FUCA1: variants seen among roughly 807,000 people sequenced by gnomAD.
FUCA1 encodes the protein alpha-L-fucosidase 1.
Under a neutral mutation model 56.8 loss-of-function variants are expected in FUCA1, and 52 were observed. The observed-to-expected ratio is 0.92, with a 90% CI of 0.73 to 1.15. FUCA1 has a LOEUF of 1.15. FUCA1 is among the 50% of genes most tolerant of loss of function. The pLI is 0.00. For missense variants in FUCA1, 568 were observed against 592.6 expected (o/e 0.96, Z 0.43); for synonymous variants, 230 against 226.6 (o/e 1.02, Z -0.14).
intron 5 of FUCA1, among the ~76,000 whole-genome samples, chr1:23,851,181 TGAA>T (rs1242196836): frequency 2.0e-5 from 3 of 152,046 alleles, no homozygotes; most frequent in African/African-American, 7.2e-5. Context: ...CTGGCCAACA[TGAA>T]GAAACCCTGT....
chr1:23,850,516 C>T (rs1368825064), intron 5 of FUCA1, among the ~76,000 whole-genome samples: 1 of 151,918 alleles, frequency 6.6e-6, no homozygotes, highest in Non-Finnish European at 1.5e-5. Context: ...CGGAGTCTAG[C>T]TCTGTCACCC....
intron 1 of FUCA1, among the ~76,000 whole-genome samples, chr1:23,866,155 T>C (rs1639619771): frequency 6.6e-6 from 1 of 152,050 alleles, no homozygotes; most frequent in Non-Finnish European, 1.5e-5. Flanking sequence ...CAACTAAAAA[T>C]ACAAAAATTA....
chr1:23,861,801 T>G (rs1310695725), intron 3 of FUCA1, among the ~76,000 whole-genome samples: 2 of 152,198 alleles, frequency 1.3e-5, no homozygotes, highest in South Asian at 2.1e-4. Flanking sequence ...GAGGTGGAAC[T>G]CAAATACAAA....
chr1:23,855,231 T>C (rs1639368012), intron 4 of FUCA1, among the ~76,000 whole-genome samples: 1 of 152,086 alleles, frequency 6.6e-6, no homozygotes, highest in South Asian at 2.1e-4. Context: ...GAGTGGCCAA[T>C]ACAAGATAAA....
chr1:23,854,436 C>A lies in FUCA1; in HGVS notation c.893G>T (p.Ser298Ile). 6.2e-7 allele frequency: 1 copy of A among 1,614,114 alleles called. No individual in the cohort carries two copies. The highest frequency in any genetic ancestry group is 8.5e-7 in the Non-Finnish European group (1 of 1,180,008). ...LPDHKWEMCT[S>I]IDKFSWGYRR... The stretch of plus-strand genomic sequence containing the variant: ...ATAGCCCCAGGAAAACTTGTCAATG[C>A]TGGTGCACATCTCCCACTTGTGATC... Residue 298 changes from serine to isoleucine, a missense_variant, in exon 5 of 8, where the codon AGC becomes ATC. Physicochemically the swap from Ser to Ile is moderately radical, Grantham distance 142. Coordinates refer to ENST00000374479, the MANE Select transcript of FUCA1 (RefSeq NM_000147.5).
Position 23,845,442 on chromosome 1 carries a change from A to G in FUCA1, c.*273T>C. 2 of 489,978 alleles carry G rather than the reference A, an allele frequency of 4.1e-6. No individual in the cohort carries two copies. The highest frequency in any genetic ancestry group is 1.9e-5 in the African/African-American group (1 of 51,506). 30.4% of individuals were successfully genotyped at this position (489,978 alleles called of 1,614,324 possible). The stretch of plus-strand genomic sequence containing the variant: ...GAACAGAGGGAAGATTCCATTGTAG[A>G]TAATTTCCAAATATTACAATTGATG... On this transcript the variant is annotated 3_prime_UTR_variant, in exon 8 of 8. Transcript: ENST00000374479.
chr1:23,863,191 T>C lies in FUCA1; in HGVS notation c.605A>G (p.Lys202Arg), dbSNP rs745729464. The C allele has an allele frequency of 6.2e-7, 1 of 1,614,048 alleles. No individual in the cohort carries two copies. The highest frequency in any genetic ancestry group is 8.5e-7 in the Non-Finnish European group (1 of 1,180,026). The change falls in exon 3 of 8, where the codon AAA becomes AGA. Residue 202 changes from lysine (K) to arginine (R), a missense_variant. Lys to Arg is a conservative substitution (Grantham distance 26, BLOSUM62 2). Coordinates refer to ENST00000374479, the MANE Select transcript of FUCA1 (RefSeq NM_000147.5). ...TTTTGCACTGACAAAATGCTGTGTTTTGAAGCCATTTTTCTTATCAAGTAG... is the reference window on the plus strand; with the variant it reads ...TTTTGCACTGACAAAATGCTGTGTTCTGAAGCCATTTTTCTTATCAAGTAG... Reference protein sequence around the residue: ...LYLLDKKNGFKTQHFVSAKTM... With the variant: ...LYLLDKKNGFRTQHFVSAKTM...
rs747492551 is a variant in FUCA1 at position 23,845,787 on chromosome 1, A to G, written c.1329T>C (p.Ser443=). Residue 443 remains serine, a synonymous_variant, in exon 8 of 8, where the codon TCT becomes TCC. Transcript: ENST00000374479. ...STDPDKGLFI[S]LPQLPPSAVP... is the part of the protein sequence containing the mutation. ...CAGCAGAGGGTGGCAACTGGGGTAG[A>G]GAGATGAAGAGACCTTTATCTGGAT... The G allele has an allele frequency of 2.5e-6, 4 of 1,614,148 alleles. No homozygotes were observed. The highest frequency in any genetic ancestry group is 3.4e-6 in the Non-Finnish European group (4 of 1,179,960).
chr1:23,867,163 C>T lies in FUCA1; in HGVS notation c.389+735G>A, dbSNP rs923469335. On this transcript the variant is annotated intron_variant, in intron 1 of 7. Coordinates refer to ENST00000374479, the MANE Select transcript of FUCA1 (RefSeq NM_000147.5). The surrounding 1 kb of genome is among the most constrained non-coding windows in gnomAD (Gnocchi z 4.9). The stretch of plus-strand genomic sequence containing the variant: ...GAAGCTGATAGTAACCACTCCCTGA[C>T]TTAACATCTGTCAATACAGGGCTCT... Among the ~76,000 whole-genome samples the T allele has an allele frequency of 2.6e-5, 4 of 152,146 alleles. No homozygotes were observed. Among genetic ancestry groups the T allele is most frequent in the Non-Finnish European group, 5.9e-5 (4 of 68,024 alleles).
At chr1:23,848,565 C>A in intron 6 of FUCA1, 84 bp downstream of exon 6, 1 of 1,342,706 alleles carries the variant, frequency 7.4e-7, no homozygotes, top group South Asian at 1.2e-5. Context: ...TCCAGCCTGG[C>A]TTGTGACATT....
chr1:23,861,909 T>C (rs1557514070), intron 3 of FUCA1, among the ~76,000 whole-genome samples: 1 of 152,214 alleles, frequency 6.6e-6, no homozygotes, highest in Non-Finnish European at 1.5e-5. Flanking sequence ...ATTTACTGTG[T>C]ATAAGAAATT....
chr1:23,860,009 A>G (rs2148446095), intron 3 of FUCA1, 106 bp from the exon 4 acceptor site: 1 of 734,402 alleles, frequency 1.4e-6, no homozygotes, highest in East Asian at 2.6e-5. Flanking sequence ...ATGTTGCCTA[A>G]GCTTGAGTCC....
Position 23,867,997 on chromosome 1 carries a change from T to A in FUCA1, c.290A>T (p.Tyr97Phe). ...PQYQRFMRDN[Y>F]PPGFSYADFG... The stretch of plus-strand genomic sequence containing the variant: ...GTCGGCGTAGCTGAAGCCGGGCGGG[T>A]AGTTGTCGCGCATGAAGCGCTGGTA... The change falls in exon 1 of 8, where the codon TAC becomes TTC. Residue 97 changes from tyrosine (Y) to phenylalanine (F), a missense_variant. By Grantham distance (22) the Tyr-to-Phe change is conservative (BLOSUM62 3). Transcript: ENST00000374479. The surrounding 1 kb of genome is among the most constrained non-coding windows in gnomAD (Gnocchi z 4.9). The A allele has an allele frequency of 6.2e-7, 1 of 1,603,498 alleles. No homozygotes were observed. Among genetic ancestry groups the A allele is most frequent in the Non-Finnish European group, 8.5e-7 (1 of 1,176,332 alleles).
At position 23,867,863 on chromosome 1, in the gene FUCA1, CGGGAAGGG is replaced by C; in HGVS notation, c.389+27_389+34del. 1 of 1,529,260 alleles carries C rather than the reference CGGGAAGGG, an allele frequency of 6.5e-7. No homozygotes were observed. The highest frequency in any genetic ancestry group is 8.8e-7 in the Non-Finnish European group (1 of 1,140,638). The allele number at this position is 1,529,260 out of a possible 1,614,324, so 94.7% of individuals were successfully genotyped here. On this transcript the variant is annotated intron_variant, in intron 1 of 7. Transcript: ENST00000374479. This position sits in a 1 kb window ranked among gnomAD's most constrained non-coding sequence, Gnocchi z 4.9. ...CCCACCTCCTGTTTGCCGCCCGAGC[CGGGAAGGG>C]GCGCCGCTCCCCGGGACCACACTCA...
chr1:23,859,771 T>G (rs1328729656), intron 4 of FUCA1, 27 bp downstream of exon 4: 1 of 1,423,312 alleles, frequency 7.0e-7, no homozygotes, highest in Non-Finnish European at 9.9e-7. Flanking sequence ...TCATAGGAGA[T>G]AAATAAGAAG....
At chr1:23,861,322 C>CAAA (rs34240712) in intron 3 of FUCA1, among the ~76,000 whole-genome samples, 267 of 60,224 alleles carry the variant, frequency 4.4e-3, no homozygotes, top group Non-Finnish European at 5.2e-3. Flanking sequence ...GACTCCGTCT[C>CAAA]AAAAAAAAAA....
intron 5 of FUCA1, among the ~76,000 whole-genome samples, chr1:23,852,987 T>C (rs1370246263): frequency 6.9e-6 from 1 of 144,380 alleles, no homozygotes; most frequent in Non-Finnish European, 1.5e-5. Flanking sequence ...GTCTGGAAAA[T>C]GAGGAGCGTC....
At chr1:23,858,827 A>G (rs1639447689) in intron 4 of FUCA1, among the ~76,000 whole-genome samples, 1 of 152,174 alleles carries the variant, frequency 6.6e-6, no homozygotes, top group Admixed American at 6.5e-5. Flanking sequence ...GGTTCATTAC[A>G]GCTTTGACCT....
chr1:23,857,205 C>T (rs1264677551), intron 4 of FUCA1, among the ~76,000 whole-genome samples: 2 of 152,100 alleles, frequency 1.3e-5, no homozygotes, highest in Non-Finnish European at 2.9e-5. Flanking sequence ...ACACCCTGAA[C>T]ATATATACAT....
Sources: gnomAD v4.1 joint callset for allele counts (sites outside exome capture counted in the v4.1 genomes callset) on GRCh38, gnomAD v4.1.1 for gene constraint, Gnocchi (gnomAD v3.1) non-coding constraint, MANE v1.5 for transcripts, NCBI Gene and HGNC (gene_info 2026-07-23, HGNC 2026-07-21) for gene names.